Variants in GABRE observed in about 807,000 individuals in gnomAD.
GABRE encodes the protein gamma-aminobutyric acid receptor subunit epsilon.
Under a neutral mutation model 31.0 loss-of-function variants are expected in GABRE, and 20 were observed. The observed-to-expected ratio is 0.64, with a 90% CI of 0.45 to 0.94. GABRE has a LOEUF of 0.94. Among genes scored for constraint, GABRE ranks in the 40% least tolerant of loss-of-function variants. The pLI, the probability that GABRE is intolerant of heterozygous loss-of-function variation, is 0.00. For missense variants in GABRE, 420 were observed against 410.7 expected (o/e 1.02, Z -0.20); for synonymous variants, 155 against 150.6 (o/e 1.03, Z -0.21).
At position 151,972,761 on chromosome X, in the gene GABRE, C is replaced by G. The variant is rs774182405; in HGVS notation, c.56+1809G>C. 4.9e-5 allele frequency: 26 copies of G among 528,782 alleles called. No individual in the cohort carries two copies. In the South Asian group the frequency reaches 1.8e-3, roughly 37 times the overall value. The allele number at this position is 528,782 out of a possible 1,213,427, so 43.6% of individuals were successfully genotyped here. On this transcript the variant is annotated intron_variant, in intron 1 of 8. Transcript: ENST00000370328. Reference sequence around the variant, plus strand: ...ATAAACAAACAAAACAAAACCTCATCTTGAGGTCCTTGGGGTTAAAGAGCT... The same window carrying G: ...ATAAACAAACAAAACAAAACCTCATGTTGAGGTCCTTGGGGTTAAAGAGCT...
chrX:151,963,979 G>A (rs1960933220), intron 3 of GABRE, among the ~76,000 whole-genome samples: 1 of 112,139 alleles, frequency 8.9e-6, no homozygotes, highest in Non-Finnish European at 1.9e-5. Context: ...ATGGAATTAT[G>A]TCAAAATAAA....
intron 6 of GABRE, chrX:151,958,586 T>C (rs1163607258): frequency 7.9e-6 from 3 of 379,003 alleles, no homozygotes; most frequent in Non-Finnish European, 1.6e-5. Context: ...TGGGGCTTTG[T>C]AGTCACTAGG....
At chrX:151,965,715 C>G (rs753166029) in intron 3 of GABRE, among the ~76,000 whole-genome samples, 1 of 113,034 alleles carries the variant, frequency 8.8e-6, no homozygotes, top group Non-Finnish European at 1.9e-5. Flanking sequence ...ACCATGGAGG[C>G]GGGCACAGCC....
rs769529647 is a variant in GABRE at position 151,959,875 on chromosome X, C to T, written c.748G>A (p.Val250Met). Residue 250 changes from valine to methionine, a missense_variant, in exon 6 of 9, where the codon GTG (valine) becomes ATG (methionine). Transcript: ENST00000370328. ...GTGATTATTTCAGTTTTGTTGCTCA[C>T]TCCTGTAAAATCAAACTGGAAGAGC... ...WKLFQFDFTG[V>M]SNKTEIITTP... The T allele has an allele frequency of 5.0e-6, 6 of 1,209,666 alleles. No individual in the cohort carries two copies. In the East Asian group the frequency reaches 1.8e-4, roughly 36 times the overall value.
chrX:151,970,092 G>A, intron 2 of GABRE, 93 bp downstream of exon 2: 1 of 1,164,115 alleles, frequency 8.6e-7, no homozygotes, highest in Non-Finnish European at 1.1e-6. Context: ...CATGAGCATG[G>A]CACCCTCTGT....
At chrX:151,966,999 G>C (rs974019774) in intron 3 of GABRE, among the ~76,000 whole-genome samples, 3 of 111,809 alleles carry the variant, frequency 2.7e-5, no homozygotes, top group Non-Finnish European at 5.6e-5. Flanking sequence ...CTACTGCTCT[G>C]CTACAAGGGC....
chrX:151,971,696 A>G (rs1415992711), intron 1 of GABRE: 3 of 112,426 alleles, frequency 2.7e-5, no homozygotes, highest in African/African-American at 9.8e-5. Context: ...CCCTACCTTT[A>G]TATGTCTTTA....
intron 1 of GABRE, chrX:151,972,398 G>A (rs1481122026): frequency 1.3e-6 from 1 of 751,691 alleles, no homozygotes; most frequent in East Asian, 1.5e-4. Context: ...GGGAAGAGAG[G>A]AGGAAAAATG....
intron 6 of GABRE, chrX:151,958,855 C>T: frequency 7.4e-6 from 2 of 268,985 alleles, no homozygotes; most frequent in South Asian, 7.0e-5. Context: ...AGCCCTCTGC[C>T]CCTGCCTAAT....
chrX:151,972,279 C>T (rs902047212), intron 1 of GABRE: 51 of 752,009 alleles, frequency 6.8e-5, no homozygotes, highest in Non-Finnish European at 8.0e-5. Context: ...GAGGGAAGAA[C>T]TGGGCTTGGA....
chrX:151,972,716 T>TAAAA, intron 1 of GABRE: 1 of 603,762 alleles, frequency 1.7e-6, no homozygotes, highest in Non-Finnish European at 2.0e-6. Context: ...TTTTGCCAGT[T>TAAAA]AAAAAAAAAA....
At chrX:151,956,257 C>G (rs764418669) in intron 6 of GABRE, 2 of 148,715 alleles carry the variant, frequency 1.3e-5, no homozygotes, top group Non-Finnish European at 2.6e-5. Flanking sequence ...CACACCTGCA[C>G]TGCTGGCCCT....
At chrX:151,966,603 A>G (rs1872465647) in intron 3 of GABRE, among the ~76,000 whole-genome samples, 1 of 112,078 alleles carries the variant, frequency 8.9e-6, no homozygotes, top group African/African-American at 3.2e-5. Context: ...ACAAGAATGT[A>G]CTGGGTACTG....
At position 151,955,221 on chromosome X, in the gene GABRE, T is replaced by G. The variant is rs764438942; in HGVS notation, c.1138-137A>C. On this transcript the variant is annotated intron_variant, in intron 8 of 8. Coordinates refer to ENST00000370328, the MANE Select transcript of GABRE (RefSeq NM_004961.4). ...TCTCCTCCAACTTCTCACCATTACA[T>G]CAGGAAGTTGATTCAACCCCGCCAC... 3.4e-6 allele frequency: 4 copies of G among 1,178,750 alleles called. No individual in the cohort carries two copies. The East Asian group carries it at 1.3e-4, about 37-fold the overall frequency.
At chrX:151,969,200 G>A (rs1934610453) in intron 3 of GABRE, among the ~76,000 whole-genome samples, 1 of 111,357 alleles carries the variant, frequency 9.0e-6, no homozygotes, top group Non-Finnish European at 1.9e-5. Flanking sequence ...CACTTGGGAG[G>A]CCAACTTAGT....
chrX:151,956,951 T>G (rs1214615531), intron 6 of GABRE: 1 of 113,939 alleles, frequency 8.8e-6, no homozygotes, highest in Non-Finnish European at 1.8e-5. Context: ...TGTGGGCTTT[T>G]CTCTGAGCCC....
At chrX:151,960,462 G>T (rs1208844043) in intron 5 of GABRE, among the ~76,000 whole-genome samples, 1 of 112,197 alleles carries the variant, frequency 8.9e-6, no homozygotes, top group African/African-American at 3.2e-5. Context: ...GAAACACCTG[G>T]TGTATTGTGG....
chrX:151,970,095 C>A, intron 2 of GABRE, 90 bp downstream of exon 2: 6 of 1,166,412 alleles, frequency 5.1e-6, no homozygotes, highest in Non-Finnish European at 6.9e-6. Context: ...GAGCATGGCA[C>A]CCTCTGTTAC....
Position 151,970,213 on chromosome X carries a change from A to C in GABRE, c.246T>G (p.Tyr82Ter), listed in dbSNP as rs759687329. The change falls in exon 2 of 9, where the codon TAT becomes TAG. Residue 82 changes from tyrosine (Y) to a stop codon, truncating the protein, a stop_gained. Coordinates refer to ENST00000370328, the MANE Select transcript of GABRE (RefSeq NM_004961.4). LOFTEE classifies it high-confidence loss of function. Reference sequence around the variant, plus strand: ...CAATGCCAGGGCGCAGTTTGTGGTCATAATTACTCAGGATAGTGTTCAGGA... The same window carrying C: ...CAATGCCAGGGCGCAGTTTGTGGTCCTAATTACTCAGGATAGTGTTCAGGA... ...SRILNTILSN[Y>*]DHKLRPGIGE... 1 of 1,210,489 alleles carries C rather than the reference A, an allele frequency of 8.3e-7. No homozygotes were observed. The highest frequency in any genetic ancestry group is 1.7e-5 in the African/African-American group (1 of 57,294).
Sources: allele counts gnomAD v4.1 joint callset (sites outside exome capture counted in the v4.1 genomes callset), GRCh38; gene constraint gnomAD v4.1.1; transcripts MANE v1.5; gene names NCBI Gene and HGNC (gene_info 2026-07-23, HGNC 2026-07-21).